HECW1: variants seen among roughly 807,000 people sequenced by gnomAD.
HECW1 encodes HECT, C2 and WW domain containing E3 ubiquitin protein ligase 1, also known as E3 ubiquitin-protein ligase HECW1.
A neutral mutation model predicts 182.3 loss-of-function variants in HECW1; 61 were observed. The observed-to-expected ratio is 0.33, with a 90% CI of 0.27 to 0.41. The LOEUF (loss-of-function observed/expected upper bound fraction) is 0.41. Ranked by LOEUF, HECW1 falls within the 10% of genes least tolerant of loss-of-function variation. The probability of loss-of-function intolerance (pLI) is 1.00; values close to 1 mark genes in which losing one functional copy is unlikely to be tolerated. For synonymous variants in HECW1, 859 were observed against 832.6 expected, an observed-to-expected ratio of 1.03 and a Z score of -0.55; for missense variants, 1,739 against 2,108.9, an observed-to-expected ratio of 0.82 and a Z score of 3.44.
chr7:43,519,861 T>C (rs2080370191), intron 24 of HECW1, among the ~76,000 whole-genome samples: 1 of 152,126 alleles, frequency 6.6e-6, no homozygotes, highest in Admixed American at 6.5e-5. Flanking sequence ...GCTAGAGATA[T>C]GTAAATATAA....
intron 6 of HECW1, among the ~76,000 whole-genome samples, chr7:43,372,247 A>G (rs1033955877): frequency 6.6e-6 from 1 of 152,212 alleles, no homozygotes; most frequent in African/African-American, 2.4e-5. Flanking sequence ...GAAATGAGTA[A>G]CAGTGACTAC....
chr7:43,362,111 A>G (rs1203774836), intron 6 of HECW1, among the ~76,000 whole-genome samples: 1 of 146,400 alleles, frequency 6.8e-6, no homozygotes, highest in Non-Finnish European at 1.5e-5. Flanking sequence ...AGCCTGGGCA[A>G]CAAGAGTGAA....
intron 4 of HECW1, among the ~76,000 whole-genome samples, chr7:43,319,601 CTTTTTTTTTTTT>C (rs796502195): frequency 9.7e-4 from 46 of 47,462 alleles, no homozygotes; most frequent in Middle Eastern, 0.043. Flanking sequence ...CTTTTCTTTT[CTTTTTTTTTTTT>C]TTTTTTTTTT....
chr7:43,523,195 G>A (rs1323884340), intron 24 of HECW1: 2 of 254,134 alleles, frequency 7.9e-6, no homozygotes, highest in Non-Finnish European at 1.6e-5. Flanking sequence ...GTACATAAGG[G>A]GTTTCTCCAT....
chr7:43,311,832 C>T lies in HECW1; in HGVS notation c.97C>T (p.Arg33Cys). 1 of 1,614,172 alleles carries T rather than the reference C, an allele frequency of 6.2e-7. No homozygotes were observed. Among genetic ancestry groups the T allele is most frequent in the Non-Finnish European group, 8.5e-7 (1 of 1,180,004 alleles). ...TCCTTCTAGAAACTCCCAGAGCCGA[C>T]GCCGGTGCAAGGAGCCGCTCCGATA... ...ASPSRNSQSR[R>C]RCKEPLRYSY... Residue 33 changes from arginine to cysteine, a missense_variant, in exon 4 of 30, where the codon CGC (arginine) becomes TGC (cysteine). This residue lies in a region of HECW1 where 279 missense variants were observed against 353.1 expected (regional missense o/e 0.79). Transcript: ENST00000395891.
In HECW1 at chr7:43,442,099, G is replaced by A. The variant is rs78577317; in HGVS notation, c.945-430G>A. 4.0e-3 allele frequency among the ~76,000 whole-genome samples: 613 copies of A among 152,308 alleles called. 10 individuals carry two copies. The East Asian group carries it at 0.057, about 14-fold the overall frequency. ...TCCCAGTCAGCCATGTGATCACAGG[G>A]TAAACAAGTGATACTGTACTCTACA... is the stretch of plus-strand genomic sequence containing the variant. On this transcript the variant is annotated intron_variant, in intron 9 of 29. Coordinates refer to ENST00000395891, the MANE Select transcript of HECW1 (RefSeq NM_015052.5).
At chr7:43,128,263 G>A (rs1269568637) in intron 2 of HECW1, among the ~76,000 whole-genome samples, 2 of 152,196 alleles carry the variant, frequency 1.3e-5, no homozygotes, top group Admixed American at 6.5e-5. Flanking sequence ...AGAGAAGTCA[G>A]TGCCTGGCTT....
chr7:43,552,572 G>C (rs772249951), intron 28 of HECW1, among the ~76,000 whole-genome samples: 1 of 152,028 alleles, frequency 6.6e-6, no homozygotes, highest in South Asian at 2.1e-4. Context: ...TCACTCTCAC[G>C]CCCCTTTCCC....
chr7:43,283,612 A>G (rs1197342130), intron 3 of HECW1, among the ~76,000 whole-genome samples: 2 of 152,222 alleles, frequency 1.3e-5, no homozygotes, highest in Admixed American at 1.3e-4. Flanking sequence ...AGCATCCTCA[A>G]TAATATTCAA....
chr7:43,393,835 C>A (rs1374748689), intron 6 of HECW1, among the ~76,000 whole-genome samples: 1 of 152,092 alleles, frequency 6.6e-6, no homozygotes, highest in Admixed American at 6.6e-5. Flanking sequence ...CCTTTGTTAT[C>A]ATTGCATGTT....
chr7:43,248,521 T>G (rs958439755), intron 3 of HECW1: 2 of 152,308 alleles, frequency 1.3e-5, no homozygotes, highest in Non-Finnish European at 2.9e-5. Context: ...GGTTATAATG[T>G]TGTGCAGATA....
At chr7:43,175,442 G>A (rs1020025483) in intron 2 of HECW1, among the ~76,000 whole-genome samples, 1 of 152,124 alleles carries the variant, frequency 6.6e-6, no homozygotes, top group African/African-American at 2.4e-5. Context: ...CATACAGGAA[G>A]GTTAAAAGAA....
At chr7:43,336,128 C>T (rs144457628) in intron 5 of HECW1, among the ~76,000 whole-genome samples, 8,912 of 77,984 alleles carry the variant, frequency 0.11, 372 homozygotes, top group South Asian at 0.2. Flanking sequence ...CTTTCTTTCT[C>T]TCTCTCTCTC....
chr7:43,407,419 C>G (rs979431165), intron 7 of HECW1, 143 bp from the exon 8 acceptor site: 2 of 609,830 alleles, frequency 3.3e-6, no homozygotes, highest in African/African-American at 3.7e-5. Flanking sequence ...CACTCCTTCA[C>G]CCCAGCCTGT....
rs780292590 is a variant in HECW1, at chr7:43,562,938, T to A, written c.*1012T>A. The A allele has an allele frequency of 5.1e-5, 11 of 213,938 alleles. No homozygotes were observed. Among genetic ancestry groups the A allele is most frequent in the Non-Finnish European group, 7.5e-5 (8 of 106,030 alleles). The allele number at this position is 213,938 out of a possible 1,614,324, so 13.3% of individuals were successfully genotyped here. On this transcript the variant is annotated 3_prime_UTR_variant, in exon 30 of 30. Transcript: ENST00000395891. ...GTGTAGATGATACCATGACTTTTGTTAAAGCCATGACTTTTGTTTGCTTGG... is the reference window on the plus strand; with the variant it reads ...GTGTAGATGATACCATGACTTTTGTAAAAGCCATGACTTTTGTTTGCTTGG...
intron 2 of HECW1, among the ~76,000 whole-genome samples, chr7:43,183,681 T>C (rs1020170378): frequency 1.3e-5 from 2 of 152,202 alleles, no homozygotes; most frequent in African/African-American, 4.8e-5. Context: ...TTTCTGACTA[T>C]CCATAGTCAA....
chr7:43,561,934 G>A lies in HECW1; in HGVS notation c.*8G>A, dbSNP rs778422680. On this transcript the variant is annotated 3_prime_UTR_variant, in exon 30 of 30. Coordinates refer to ENST00000395891, the MANE Select transcript of HECW1 (RefSeq NM_015052.5). ...ACCTTTGGACTTGAGTGAGGACATG[G>A]AACCTCGCCTGACATTTTCCTGGCC... 6.5e-7 allele frequency: 1 copy of A among 1,530,238 alleles called. No individual in the cohort carries two copies. The highest frequency in any genetic ancestry group is 1.1e-5 in the South Asian group (1 of 89,352). The allele number at this position is 1,530,238 out of a possible 1,614,324, so 94.8% of individuals were successfully genotyped here. A position where few individuals can be genotyped will look rare whatever the true frequency, so the allele number is the denominator to read the frequency against.
rs538700341 is a variant in HECW1, at chr7:43,295,682, A to T, written c.28-16081A>T. Reference sequence around the variant, plus strand: ...CGGCAGTGGAACATCTGCATGACCTACGTATTTTCCAGCTCCTTTAAAGAC... The same window carrying T: ...CGGCAGTGGAACATCTGCATGACCTTCGTATTTTCCAGCTCCTTTAAAGAC... On this transcript the variant is annotated intron_variant, in intron 3 of 29. Transcript: ENST00000395891. 2.0e-4 allele frequency among the ~76,000 whole-genome samples: 30 copies of T among 152,280 alleles called. No homozygotes were observed. In the South Asian group the frequency reaches 5.6e-3, roughly 28 times the overall value.
chr7:43,556,622 A>G (rs558544774), intron 29 of HECW1, among the ~76,000 whole-genome samples: 8 of 152,072 alleles, frequency 5.3e-5, no homozygotes, highest in Non-Finnish European at 1.2e-4. Flanking sequence ...CAGGAGGCTG[A>G]GGCTGCAGTG....
Sources: allele counts gnomAD v4.1 joint callset (sites outside exome capture counted in the v4.1 genomes callset), GRCh38; gene constraint gnomAD v4.1.1; regional missense constraint gnomAD v4.1.1; transcripts MANE v1.5; gene names NCBI Gene and HGNC (gene_info 2026-07-23, HGNC 2026-07-21).